The following MIGA1 variants were observed in gnomAD, a reference collection of about 807,000 sequenced individuals.
MIGA1 encodes mitoguardin 1, also known as family with sequence similarity 73, member A.
In MIGA1, 58 loss-of-function variants were observed where a neutral mutation model predicts 82.0. The ratio of observed to expected loss-of-function variants is 0.71; its 90% CI spans 0.57 to 0.88. The LOEUF (loss-of-function observed/expected upper bound fraction) is 0.88. Among genes scored for constraint, MIGA1 ranks in the 40% least tolerant of loss-of-function variants. The probability of loss-of-function intolerance (pLI) is 0.00; values close to 1 mark genes in which losing one functional copy is unlikely to be tolerated. For synonymous variants in MIGA1, 249 were observed against 253.6 expected, an observed-to-expected ratio of 0.98 and a Z score of 0.17; for missense variants, 751 against 749.1, an observed-to-expected ratio of 1.00 and a Z score of -0.03.
chr1:77,832,215 C>G (rs1226010159), intron 7 of MIGA1, among the ~76,000 whole-genome samples: 2 of 152,182 alleles, frequency 1.3e-5, no homozygotes, highest in Non-Finnish European at 2.9e-5. Flanking sequence ...TTATTGAAAG[C>G]ATTGCTTCAC....
Position 77,873,094 on chromosome 1 carries a change from C to G in MIGA1, c.1654C>G (p.Leu552Val), listed in dbSNP as rs764779252. Residue 552 changes from leucine (L) to valine (V), a missense_variant, in exon 15 of 16, where the codon CTG (leucine) becomes GTG (valine). This residue lies in a region of MIGA1 where 265 missense variants were observed against 293.6 expected (regional missense o/e 0.90). Coordinates refer to ENST00000370791, the MANE Select transcript of MIGA1 (RefSeq NM_198549.4). ...GGGCTTTTTGGGTCCTAGAAATTCT[C>G]TGTATGATTTATGTTGCTTTTTTAA... 1 of 1,613,530 alleles carries G rather than the reference C, an allele frequency of 6.2e-7. No homozygotes were observed.
intron 2 of MIGA1, among the ~76,000 whole-genome samples, chr1:77,789,510 TTC>T (rs1355457350): frequency 6.6e-6 from 1 of 152,092 alleles, no homozygotes; most frequent in African/African-American, 2.4e-5. Flanking sequence ...GTGTTTGGCT[TTC>T]TCTCTCTTTC....
In MIGA1 at chr1:77,874,836, C is replaced by T; in HGVS notation, c.1681-10C>T. On this transcript the variant is annotated splice_polypyrimidine_tract_variant and intron_variant, in intron 15 of 15. Coordinates refer to ENST00000370791, the MANE Select transcript of MIGA1 (RefSeq NM_198549.4). ...GGTCTAATAAATGCCAATTTATGTT[C>T]ATTTTCCAGAATCAAGTTCTTTTAT... 1 of 1,603,476 alleles carries T rather than the reference C, an allele frequency of 6.2e-7. No homozygotes were observed. Among genetic ancestry groups the T allele is most frequent in the Non-Finnish European group, 8.5e-7 (1 of 1,172,038 alleles).
At chr1:77,843,221 G>GA in intron 7 of MIGA1, 86 bp from the exon 8 acceptor site, 1 of 966,696 alleles carries the variant, frequency 1.0e-6, no homozygotes, top group African/African-American at 1.6e-5. Context: ...AAGACTGGGG[G>GA]AAAAATCAAA....
chr1:77,859,768 T>C, intron 10 of MIGA1: 1 of 392,730 alleles, frequency 2.5e-6, no homozygotes, highest in Non-Finnish European at 4.5e-6. Flanking sequence ...TGTTTTCTTA[T>C]GTTTTGGGGC....
intron 6 of MIGA1, 112 bp from the exon 7 acceptor site, chr1:77,814,996 T>C (rs1056215867): frequency 7.0e-6 from 5 of 716,002 alleles, no homozygotes; most frequent in Admixed American, 3.8e-5. Context: ...CATCTCTCAG[T>C]TGTTTTTTTA....
At chr1:77,802,075 A>C (rs1682907155) in intron 3 of MIGA1, among the ~76,000 whole-genome samples, 1 of 152,192 alleles carries the variant, frequency 6.6e-6, no homozygotes, top group Non-Finnish European at 1.5e-5. Flanking sequence ...GCTGTCTTTT[A>C]AAGGATCTTT....
Position 77,861,333 on chromosome 1 carries a change from A to AT in MIGA1, c.1374+17dup. 1.3e-6 allele frequency: 2 copies of AT among 1,509,380 alleles called. No individual in the cohort carries two copies. The highest frequency in any genetic ancestry group is 1.7e-5 in the Admixed American group (1 of 58,242). 93.5% of individuals were successfully genotyped at this position (1,509,380 alleles called of 1,614,324 possible). Reference sequence around the variant, plus strand: ...CTTGCTGCTAGAGGGGTAAATTCAAATTTTTTGTGATATTTATTTTTCTTA... The same window carrying AT: ...CTTGCTGCTAGAGGGGTAAATTCAAATTTTTTTGTGATATTTATTTTTCTTA... On this transcript the variant is annotated intron_variant, in intron 12 of 15. Transcript: ENST00000370791.
intron 8 of MIGA1, chr1:77,847,341 T>TATG: frequency 1.1e-6 from 1 of 950,452 alleles, no homozygotes; most frequent in South Asian, 1.3e-5. Context: ...TGACAGTATT[T>TATG]ATGATGAAAT....
intron 8 of MIGA1, among the ~76,000 whole-genome samples, chr1:77,845,107 G>A (rs914508032): frequency 6.6e-6 from 1 of 152,076 alleles, no homozygotes; most frequent in African/African-American, 2.4e-5. Flanking sequence ...TTTAAAAGTA[G>A]TACTGATTCA....
rs144086222 is a variant in MIGA1 at position 77,860,461 on chromosome 1, C to T, written c.1275+335C>T. Reference sequence around the variant, plus strand: ...TCAGGAAGAGGGTTACAGGAAATAGCGTAGGTCTCAGAAATCTGGAATACA... The same window carrying T: ...TCAGGAAGAGGGTTACAGGAAATAGTGTAGGTCTCAGAAATCTGGAATACA... On this transcript the variant is annotated intron_variant, in intron 11 of 15. Coordinates refer to ENST00000370791, the MANE Select transcript of MIGA1 (RefSeq NM_198549.4). The T allele has an allele frequency of 1.7e-4, 32 of 183,504 alleles. No individual in the cohort carries two copies. In the East Asian group the frequency reaches 4.5e-3, roughly 26 times the overall value. 11.4% of individuals were successfully genotyped at this position (183,504 alleles called of 1,614,324 possible). A position where few individuals can be genotyped will look rare whatever the true frequency, so the allele number is the denominator to read the frequency against.
At chr1:77,798,483 C>T (rs1031430166) in intron 2 of MIGA1, among the ~76,000 whole-genome samples, 5 of 152,156 alleles carry the variant, frequency 3.3e-5, no homozygotes, top group East Asian at 1.9e-4. Flanking sequence ...GAGAGCCAAG[C>T]GAAAGGAGTT....
intron 7 of MIGA1, among the ~76,000 whole-genome samples, chr1:77,816,542 G>A (rs912154507): frequency 1.3e-5 from 2 of 152,114 alleles, no homozygotes; most frequent in Non-Finnish European, 2.9e-5. Context: ...GAATTACTGT[G>A]TATATGTCAT....
Position 77,853,701 on chromosome 1 carries a change from A to G in MIGA1, c.997-5237A>G, listed in dbSNP as rs191852381. ...AAAAACAAACAAAAACCCAAAAACA[A>G]ACAAACAACACACACACACAAAGGA... On this transcript the variant is annotated intron_variant, in intron 8 of 15. Transcript: ENST00000370791. The G allele has an allele frequency of 1.8e-4, 50 of 277,896 alleles. 1 individual carries two copies. Among genetic ancestry groups the G allele is most frequent in the African/African-American group, 9.1e-4 (40 of 43,918 alleles). The allele number at this position is 277,896 out of a possible 1,614,324, so 17.2% of individuals were successfully genotyped here. A position where few individuals can be genotyped will look rare whatever the true frequency, so the allele number is the denominator to read the frequency against.
At chr1:77,802,698 C>T (rs1385171054) in intron 3 of MIGA1, among the ~76,000 whole-genome samples, 1 of 151,834 alleles carries the variant, frequency 6.6e-6, no homozygotes, top group Non-Finnish European at 1.5e-5. Context: ...GGGAGGATCA[C>T]CTGACCCAGG....
intron 8 of MIGA1, among the ~76,000 whole-genome samples, chr1:77,857,986 A>G (rs1361858886): frequency 2.6e-5 from 4 of 152,158 alleles, no homozygotes; most frequent in Non-Finnish European, 1.5e-5. Flanking sequence ...TAAGTAATCT[A>G]TGGATGATAA....
intron 2 of MIGA1, among the ~76,000 whole-genome samples, chr1:77,794,803 G>GA (rs1557897082): frequency 6.6e-6 from 1 of 151,960 alleles, no homozygotes; most frequent in Non-Finnish European, 1.5e-5. Flanking sequence ...CCTGTCTTTT[G>GA]AAAAAAGGCA....
chr1:77,804,993 C>CTTTT (rs67999119), intron 4 of MIGA1, among the ~76,000 whole-genome samples: 3 of 95,824 alleles, frequency 3.1e-5, no homozygotes, highest in South Asian at 3.2e-4. Flanking sequence ...TTCCATATTT[C>CTTTT]TTTTTTTTTT....
At chr1:77,869,692 G>A (rs1362124531) in intron 14 of MIGA1, among the ~76,000 whole-genome samples, 3 of 122,012 alleles carry the variant, frequency 2.5e-5, no homozygotes, top group East Asian at 5.5e-4. Context: ...CCGGCTGGGC[G>A]GGGGGCTGAC....
Sources: gnomAD v4.1 joint callset for allele counts (sites outside exome capture counted in the v4.1 genomes callset) on GRCh38, gnomAD v4.1.1 for gene constraint, gnomAD v4.1.1 regional missense constraint, MANE v1.5 for transcripts, NCBI Gene and HGNC (gene_info 2026-07-23, HGNC 2026-07-21) for gene names.